Variants in PDZRN3 observed in about 807,000 individuals in gnomAD.
PDZRN3 encodes the protein PDZ domain containing ring finger 3.
PDZRN3 carries 38 observed loss-of-function variants against 85.7 expected under a neutral mutation model. The ratio of observed to expected loss-of-function variants is 0.44; its 90% CI spans 0.34 to 0.58. The LOEUF is 0.58. PDZRN3 is among the 20% of genes least tolerant of loss of function. The pLI is 0.01. For missense variants in PDZRN3, 1,629 were observed against 1,506.4 expected (o/e 1.08, Z -1.35); for synonymous variants, 759 against 638.0 (o/e 1.19, Z -2.86).
chr3:73,527,312 T>C (rs1233679197), intron 3 of PDZRN3, among the ~76,000 whole-genome samples: 1 of 152,166 alleles, frequency 6.6e-6, no homozygotes, highest in Non-Finnish European at 1.5e-5. Context: ...GCATAGGATA[T>C]GAACCAGTAA....
chr3:73,606,131 TG>T (rs1446508624), intron 2 of PDZRN3, among the ~76,000 whole-genome samples: 2 of 152,216 alleles, frequency 1.3e-5, no homozygotes, highest in Non-Finnish European at 2.9e-5. Flanking sequence ...TAGGCTTTGG[TG>T]TGGTTTAGAC....
chr3:73,578,496 T>C lies in PDZRN3; in HGVS notation c.918+23858A>G, dbSNP rs9878169. Among the ~76,000 whole-genome samples the C allele has an allele frequency of 9.4e-3, 1,437 of 152,266 alleles. 21 individuals carry two copies. The highest frequency in any genetic ancestry group is 0.033 in the African/African-American group (1,384 of 41,556). Reference sequence around the variant, plus strand: ...ACCATTCTTTCAAGGTACCTTTAGTTACTGTAACTGTTCCCGTTACATAGG... The same window carrying C: ...ACCATTCTTTCAAGGTACCTTTAGTCACTGTAACTGTTCCCGTTACATAGG... On this transcript the variant is annotated intron_variant, in intron 3 of 9. Coordinates refer to ENST00000263666, the MANE Select transcript of PDZRN3 (RefSeq NM_015009.3).
chr3:73,496,706 T>TA (rs1386191379), intron 3 of PDZRN3, among the ~76,000 whole-genome samples: 1 of 151,948 alleles, frequency 6.6e-6, no homozygotes, highest in African/African-American at 2.4e-5. Flanking sequence ...ATAAAAAAGG[T>TA]AAAAAAATTA....
intron 3 of PDZRN3, among the ~76,000 whole-genome samples, chr3:73,407,431 G>A (rs1192876524): frequency 6.6e-6 from 1 of 152,080 alleles, no homozygotes; most frequent in Non-Finnish European, 1.5e-5. Context: ...CAAAATTCTT[G>A]TTATATTCAA....
intron 3 of PDZRN3, among the ~76,000 whole-genome samples, chr3:73,468,053 T>C (rs959271456): frequency 3.3e-5 from 5 of 152,096 alleles, no homozygotes; most frequent in Admixed American, 1.3e-4. Flanking sequence ...TTTAACACCA[T>C]TGCACTGCAC....
At chr3:73,400,823 A>G (rs1019947535) in intron 5 of PDZRN3, 99 bp downstream of exon 5, 5 of 855,346 alleles carry the variant, frequency 5.8e-6, no homozygotes, top group Non-Finnish European at 1.0e-5. Flanking sequence ...GTTACTTTCC[A>G]TCGGCATCCG....
chr3:73,569,136 A>G (rs1409976789), intron 3 of PDZRN3: 1 of 1,282,624 alleles, frequency 7.8e-7, no homozygotes, highest in African/African-American at 1.5e-5. Flanking sequence ...ACCCCTTTTC[A>G]TCACATTGCC....
At chr3:73,408,374 G>GT in intron 3 of PDZRN3, 1 of 601,912 alleles carries the variant, frequency 1.7e-6, no homozygotes, top group Non-Finnish European at 3.0e-6. Flanking sequence ...TCCAGTGCTC[G>GT]TGGGGATCCT....
At chr3:73,489,813 C>G (rs1402595991) in intron 3 of PDZRN3, among the ~76,000 whole-genome samples, 20 of 152,132 alleles carry the variant, frequency 1.3e-4, no homozygotes, top group African/African-American at 4.6e-4. Flanking sequence ...CTCCAGTAAT[C>G]TGCCTGCCTC....
At chr3:73,470,998 C>A (rs541573679) in intron 3 of PDZRN3, among the ~76,000 whole-genome samples, 118 of 152,296 alleles carry the variant, frequency 7.7e-4, no homozygotes, top group African/African-American at 2.6e-3. Flanking sequence ...TGCCCCTCCA[C>A]CCCCGACTGA....
intron 6 of PDZRN3, among the ~76,000 whole-genome samples, chr3:73,390,270 T>C (rs1037241138): frequency 1.3e-5 from 2 of 152,220 alleles, no homozygotes; most frequent in African/African-American, 2.4e-5. Flanking sequence ...TGTATTAAAA[T>C]TTGGAAAATA....
At chr3:73,473,432 T>C (rs1703386961) in intron 3 of PDZRN3, among the ~76,000 whole-genome samples, 1 of 151,626 alleles carries the variant, frequency 6.6e-6, no homozygotes, top group African/African-American at 2.4e-5. Context: ...AATTTGAAAT[T>C]CAGAGGAATG....
chr3:73,445,646 A>G (rs1436099234), intron 3 of PDZRN3, among the ~76,000 whole-genome samples: 6 of 152,246 alleles, frequency 3.9e-5, no homozygotes, highest in African/African-American at 1.4e-4. Context: ...ATGCTTCCAC[A>G]AATGGCAATA....
intron 3 of PDZRN3, among the ~76,000 whole-genome samples, chr3:73,565,786 A>AAC (rs61564723): frequency 0.081 from 3,070 of 37,670 alleles, 39 homozygotes; most frequent in South Asian, 0.14. Context: ...AAAAATACAA[A>AAC]ACACACACAC....
At chr3:73,386,321 G>A (rs1043653929) in intron 8 of PDZRN3, among the ~76,000 whole-genome samples, 9 of 138,864 alleles carry the variant, frequency 6.5e-5, no homozygotes, top group African/African-American at 2.4e-4. Flanking sequence ...TCTGCCTCCC[G>A]AGTAGCTGGG....
intron 3 of PDZRN3, among the ~76,000 whole-genome samples, chr3:73,506,604 G>T (rs1167324830): frequency 1.3e-5 from 2 of 152,046 alleles, no homozygotes; most frequent in Non-Finnish European, 2.9e-5. Flanking sequence ...TATTATGGAA[G>T]GGGCAGGGAA....
chr3:73,393,073 G>A (rs1004310290), intron 5 of PDZRN3, among the ~76,000 whole-genome samples: 8 of 152,064 alleles, frequency 5.3e-5, no homozygotes, highest in Admixed American at 3.3e-4. Context: ...CTCAAGGTTA[G>A]TGTGAATCAA....
rs755580454 is a variant in PDZRN3, at chr3:73,385,783, C to A, written c.1521G>T (p.Leu507=). 1.7e-5 allele frequency: 27 copies of A among 1,589,928 alleles called. No homozygotes were observed. Among genetic ancestry groups the A allele is most frequent in the Non-Finnish European group, 2.3e-5 (27 of 1,158,256 alleles). ...SLLIARPELQ[L]DEGWMDDDRN... ...TGTCATCATCCATCCAGCCCTCATC[C>A]AGCTGCAGGCAAGAGCAGCCAACAC... Residue 507 remains leucine (L), a splice_region_variant and synonymous_variant, in exon 9 of 10, where the codon CTG becomes CTT. Transcript: ENST00000263666.
chr3:73,567,993 T>G (rs780818269), intron 3 of PDZRN3, among the ~76,000 whole-genome samples: 1 of 151,268 alleles, frequency 6.6e-6, no homozygotes, highest in Non-Finnish European at 1.5e-5. Flanking sequence ...AAATAAGGAG[T>G]TGAAGGGAAA....
Sources: gnomAD v4.1 joint callset for allele counts (sites outside exome capture counted in the v4.1 genomes callset) on GRCh38, gnomAD v4.1.1 for gene constraint, MANE v1.5 for transcripts, NCBI Gene and HGNC (gene_info 2026-07-23, HGNC 2026-07-21) for gene names.